Variants in FMO4 observed in about 807,000 individuals in gnomAD.
FMO4 encodes the protein dimethylaniline monooxygenase [N-oxide-forming] 4.
FMO4 carries 38 observed loss-of-function variants against 43.3 expected under a neutral mutation model. The ratio of observed to expected loss-of-function variants is 0.88; its 90% CI spans 0.68 to 1.15. The LOEUF is 1.15. Among genes scored for constraint, FMO4 ranks in the 50% most tolerant of loss-of-function variants. The probability of loss-of-function intolerance (pLI) is 0.00; values close to 1 mark genes in which losing one functional copy is unlikely to be tolerated. For missense variants in FMO4, 631 were observed against 663.3 expected, an observed-to-expected ratio of 0.95 and a Z score of 0.54; for synonymous variants, 224 against 232.2, an observed-to-expected ratio of 0.96 and a Z score of 0.32.
At chr1:171,332,448 T>C (rs1032145179) in intron 6 of FMO4, among the ~76,000 whole-genome samples, 2 of 152,186 alleles carry the variant, frequency 1.3e-5, no homozygotes, top group African/African-American at 4.8e-5. Context: ...CAATTCCATG[T>C]ATCTACAAAT....
intron 2 of FMO4, among the ~76,000 whole-genome samples, chr1:171,318,047 G>A (rs1011550875): frequency 4.6e-5 from 7 of 152,142 alleles, no homozygotes; most frequent in African/African-American, 1.7e-4. Context: ...CGGGCACGGT[G>A]GCTTACGTCT....
chr1:171,338,046 T>C (rs1663194025), intron 9 of FMO4, among the ~76,000 whole-genome samples: 1 of 152,148 alleles, frequency 6.6e-6, no homozygotes, highest in Admixed American at 6.6e-5. Flanking sequence ...ATCTGCCCTG[T>C]AAATGGGCTG....
rs1194106268 is a variant in FMO4 at position 171,341,863 on chromosome 1, C to T, written c.*24C>T. On this transcript the variant is annotated 3_prime_UTR_variant, in exon 10 of 10. Coordinates refer to ENST00000367749, the MANE Select transcript of FMO4 (RefSeq NM_002022.3). ...GAACCTGATTGTTACAAGGGTTACACAAAGTCATGCTAATTCTATCTCCAA... is the reference window on the plus strand; with the variant it reads ...GAACCTGATTGTTACAAGGGTTACATAAAGTCATGCTAATTCTATCTCCAA... 18 of 1,571,104 alleles carry T rather than the reference C, an allele frequency of 1.1e-5. No homozygotes were observed. The highest frequency in any genetic ancestry group is 1.2e-5 in the Non-Finnish European group (14 of 1,153,288).
At position 171,341,930 on chromosome 1, in the gene FMO4, A is replaced by G. The variant is rs1663394964; in HGVS notation, c.*91A>G. 1.0e-6 allele frequency: 1 copy of G among 985,754 alleles called. No homozygotes were observed. The highest frequency in any genetic ancestry group is 1.5e-6 in the Non-Finnish European group (1 of 671,708). 61.1% of individuals were successfully genotyped at this position (985,754 alleles called of 1,614,324 possible). A position where few individuals can be genotyped will look rare whatever the true frequency, so the allele number is the denominator to read the frequency against. ...TCCTCTGCTCTCCATCATAACTGCT[A>G]TTAGCCAAATTCAGGCCCAGTCATC... On this transcript the variant is annotated 3_prime_UTR_variant, in exon 10 of 10. Coordinates refer to ENST00000367749, the MANE Select transcript of FMO4 (RefSeq NM_002022.3).
intron 5 of FMO4, among the ~76,000 whole-genome samples, chr1:171,331,127 G>A (rs1427059075): frequency 1.3e-5 from 2 of 152,154 alleles, no homozygotes; most frequent in African/African-American, 4.8e-5. Flanking sequence ...CATTCTGATA[G>A]AATATATCTA....
intron 5 of FMO4, 34 bp from the exon 6 acceptor site, chr1:171,331,606 C>T: frequency 6.2e-7 from 1 of 1,607,806 alleles, no homozygotes; most frequent in Non-Finnish European, 8.5e-7. Context: ...TAACTTTAGA[C>T]ATTTCAGACT....
intron 3 of FMO4, among the ~76,000 whole-genome samples, chr1:171,320,217 G>A (rs1662355710): frequency 6.6e-6 from 1 of 152,214 alleles, no homozygotes; most frequent in South Asian, 2.1e-4. Flanking sequence ...CATAGTATTG[G>A]ACATTTATGA....
rs534522365 is a variant in FMO4 at position 171,321,251 on chromosome 1, TTAAG to T, written c.132+1302_132+1305del. ...TAGGGAAAAAAAAGAAAAATATAAA[TTAAG>T]TAAGTAACAATACTCACAAATTAGT... is the stretch of plus-strand genomic sequence containing the variant. On this transcript the variant is annotated intron_variant, in intron 3 of 9. Transcript: ENST00000367749. Among the ~76,000 whole-genome samples the T allele has an allele frequency of 2.6e-3, 401 of 152,196 alleles. 2 individuals are homozygous for T. The highest frequency in any genetic ancestry group is 3.4e-3 in the Middle Eastern group (1 of 294).
At chr1:171,328,857 C>A (rs1213507577) in intron 5 of FMO4, among the ~76,000 whole-genome samples, 1 of 152,032 alleles carries the variant, frequency 6.6e-6, no homozygotes, top group Non-Finnish European at 1.5e-5. Context: ...TGGATGAAAT[C>A]TCAGGCAGTT....
Position 171,341,598 on chromosome 1 carries a change from G to A in FMO4, c.1436G>A (p.Trp479Ter), listed in dbSNP as rs761585310. Residue 479 changes from tryptophan to a stop codon, truncating the protein, a stop_gained, in exon 10 of 10, where the codon TGG becomes TAG. Transcript: ENST00000367749. LOFTEE classifies it low-confidence loss of function (END_TRUNC). The stretch of plus-strand genomic sequence containing the variant: ...TACCGCCTCATGGGCCCTGGAAAAT[G>A]GGATGGAGCCAGAAATGCCATCCTG... ...YQYRLMGPGK[W>*]DGARNAILTQ... 8 of 1,613,972 alleles carry A rather than the reference G, an allele frequency of 5.0e-6. No individual in the cohort carries two copies. The highest frequency in any genetic ancestry group is 5.9e-6 in the Non-Finnish European group (7 of 1,179,968).
At chr1:171,337,091 G>T (rs528764053) in intron 8 of FMO4, among the ~76,000 whole-genome samples, 1 of 152,288 alleles carries the variant, frequency 6.6e-6, no homozygotes, top group Non-Finnish European at 1.5e-5. Flanking sequence ...AGGTGCAGGT[G>T]TCTGGTGAGT....
intron 5 of FMO4, among the ~76,000 whole-genome samples, chr1:171,324,597 G>A (rs1662582426): frequency 6.6e-6 from 1 of 152,062 alleles, no homozygotes; most frequent in South Asian, 2.1e-4. Flanking sequence ...AAAAAGAACA[G>A]GCTTTGATTT....
At position 171,341,932 on chromosome 1, in the gene FMO4, T is replaced by G; in HGVS notation, c.*93T>G. 3.0e-6 allele frequency: 3 copies of G among 988,918 alleles called. No homozygotes were observed. Among genetic ancestry groups the G allele is most frequent in the Non-Finnish European group, 4.4e-6 (3 of 674,472 alleles). The allele number at this position is 988,918 out of a possible 1,614,324, so 61.3% of individuals were successfully genotyped here. The stretch of plus-strand genomic sequence containing the variant: ...CTCTGCTCTCCATCATAACTGCTAT[T>G]AGCCAAATTCAGGCCCAGTCATCTC... On this transcript the variant is annotated 3_prime_UTR_variant, in exon 10 of 10. Coordinates refer to ENST00000367749, the MANE Select transcript of FMO4 (RefSeq NM_002022.3).
Position 171,341,605 on chromosome 1 carries a change from A to G in FMO4, c.1443A>G (p.Gly481=). 6.2e-7 allele frequency: 1 copy of G among 1,614,028 alleles called. No homozygotes were observed. The change falls in exon 10 of 10, where the codon GGA becomes GGG. Residue 481 remains glycine, a synonymous_variant. Transcript: ENST00000367749. ...TCATGGGCCCTGGAAAATGGGATGG[A>G]GCCAGAAATGCCATCCTGACCCAGT... is the stretch of plus-strand genomic sequence containing the variant. ...YRLMGPGKWD[G]ARNAILTQWD...
chr1:171,324,126 T>A lies in FMO4; in HGVS notation c.322-12T>A, dbSNP rs1662555029. 5 of 1,601,612 alleles carry A rather than the reference T, an allele frequency of 3.1e-6. No homozygotes were observed. The highest frequency in any genetic ancestry group is 4.3e-6 in the Non-Finnish European group (5 of 1,174,424). ...TGTTAGTGAGAAGTGAGTGTTTGTCTTTCACTTTTAGACCACTGTGTGCAG... is the reference window on the plus strand; with the variant it reads ...TGTTAGTGAGAAGTGAGTGTTTGTCATTCACTTTTAGACCACTGTGTGCAG... On this transcript the variant is annotated splice_polypyrimidine_tract_variant and intron_variant, in intron 4 of 9. Transcript: ENST00000367749.
intron 5 of FMO4, among the ~76,000 whole-genome samples, chr1:171,326,771 T>C (rs1159009773): frequency 1.3e-5 from 2 of 152,192 alleles, no homozygotes; most frequent in Non-Finnish European, 2.9e-5. Flanking sequence ...ATTTAACTTA[T>C]CATGGAGAGT....
chr1:171,323,023 T>A lies in FMO4; in HGVS notation c.152T>A (p.Met51Lys), dbSNP rs1264718740. The A allele has an allele frequency of 3.1e-6, 5 of 1,613,044 alleles. No homozygotes were observed. The highest frequency in any genetic ancestry group is 2.7e-5 in the African/African-American group (2 of 74,896). The change falls in exon 4 of 10, where the codon ATG becomes AAG. Residue 51 changes from methionine to lysine, a missense_variant. Met to Lys is a moderately conservative substitution (Grantham distance 95). Transcript: ENST00000367749. ...WKFTESSKDGMTRVYKSLVTN... is the reference protein window; with the variant it reads ...WKFTESSKDGKTRVYKSLVTN... ...CCACAGGAATCTTCCAAAGATGGGA[T>A]GACCAGGGTCTATAAGTCATTAGTG...
In FMO4 at chr1:171,331,648, A is replaced by C; in HGVS notation, c.493A>C (p.Lys165Gln). Reference sequence around the variant, plus strand: ...TCCTTCACTCCTCTCAGGAATTCATAAGTTTAAAGGTCAGATCCTGCATAG... The same window carrying C: ...TCCTTCACTCCTCTCAGGAATTCATCAGTTTAAAGGTCAGATCCTGCATAG... ...LPLEAFPGIH[K>Q]FKGQILHSQE... The change falls in exon 6 of 10, where the codon AAG (lysine) becomes CAG (glutamine). Residue 165 changes from lysine (K) to glutamine (Q), a missense_variant. By Grantham distance (53) the Lys-to-Gln change is moderately conservative. Transcript: ENST00000367749. The C allele has an allele frequency of 6.2e-7, 1 of 1,613,760 alleles. No individual in the cohort carries two copies. The highest frequency in any genetic ancestry group is 8.5e-7 in the Non-Finnish European group (1 of 1,179,754).
chr1:171,341,162 T>C lies in FMO4; in HGVS notation c.1251-251T>C, dbSNP rs61816092. 3.1e-3 allele frequency among the ~76,000 whole-genome samples: 478 copies of C among 152,280 alleles called. 1 individual carries two copies. Among genetic ancestry groups the C allele is most frequent in the South Asian group, 0.013 (64 of 4,818 alleles). On this transcript the variant is annotated intron_variant, in intron 9 of 9. Transcript: ENST00000367749. ...ACAACTTAACGGAAAAAAAAAAGTT[T>C]CTCTTCCATCTCTAGTAAAATTAAT...
Sources: allele counts gnomAD v4.1 joint callset (sites outside exome capture counted in the v4.1 genomes callset), GRCh38; gene constraint gnomAD v4.1.1; transcripts MANE v1.5; gene names NCBI Gene and HGNC (gene_info 2026-07-23, HGNC 2026-07-21).